The following DGCR2 variants were observed in gnomAD, a reference collection of about 807,000 sequenced individuals.
DGCR2 encodes DiGeorge syndrome critical region gene 2, also known as integral membrane protein DGCR2/IDD.
Under a neutral mutation model 51.6 loss-of-function variants are expected in DGCR2, and 24 were observed. That is an observed-to-expected ratio of 0.47 (90% CI 0.34 to 0.65). DGCR2 has a LOEUF of 0.65. DGCR2 is among the 30% of genes least tolerant of loss of function. The pLI is 0.01. For missense variants in DGCR2, 765 were observed against 772.1 expected, an observed-to-expected ratio of 0.99 and a Z score of 0.11; for synonymous variants, 340 against 315.4, an observed-to-expected ratio of 1.08 and a Z score of -0.82.
intron 1 of DGCR2, among the ~76,000 whole-genome samples, chr22:19,115,270 C>T (rs1356228291): frequency 1.3e-5 from 2 of 152,240 alleles, no homozygotes; most frequent in East Asian, 1.9e-4. Flanking sequence ...CCCTCAGCAC[C>T]GGCTTGCTGG....
chr22:19,062,881 AGCCT>A (rs2082697137), intron 5 of DGCR2, among the ~76,000 whole-genome samples: 2 of 150,792 alleles, frequency 1.3e-5, no homozygotes, highest in Admixed American at 6.6e-5. Context: ...CCTCCCCTCC[AGCCT>A]GCCAGGGGCA....
intron 2 of DGCR2, among the ~76,000 whole-genome samples, chr22:19,076,183 A>G (rs968962052): frequency 8.6e-5 from 13 of 150,908 alleles, no homozygotes; most frequent in African/African-American, 3.2e-4. Flanking sequence ...TTGGGGGGGA[A>G]GGAGTCTTGT....
intron 1 of DGCR2, among the ~76,000 whole-genome samples, chr22:19,092,958 T>G (rs2083095385): frequency 6.9e-6 from 1 of 144,004 alleles, no homozygotes. Flanking sequence ...CAAAATGAAG[T>G]TAAAAAAAGG....
rs150185675 is a variant in DGCR2 at position 19,067,400 on chromosome 22, T to C, written c.328+700A>G. On this transcript the variant is annotated intron_variant, in intron 3 of 9. Coordinates refer to ENST00000263196, the MANE Select transcript of DGCR2 (RefSeq NM_005137.3). ...TAAATAACTAATCACCTTAAAAATT[T>C]TTCTTAAAATGGCTGGACACAGTGG... is the stretch of plus-strand genomic sequence containing the variant. Among the ~76,000 whole-genome samples, 4 of 152,196 alleles carry C rather than the reference T, an allele frequency of 2.6e-5. No individual in the cohort carries two copies. In the East Asian group the frequency reaches 7.7e-4, roughly 29 times the overall value.
At chr22:19,113,391 A>T (rs1167895389) in intron 1 of DGCR2, among the ~76,000 whole-genome samples, 1 of 152,162 alleles carries the variant, frequency 6.6e-6, no homozygotes. Context: ...ATAAAAAAAA[A>T]AAAATAACAG....
chr22:19,103,739 TAAAAAAAAAA>T (rs34046451), intron 1 of DGCR2, among the ~76,000 whole-genome samples: 2 of 78,724 alleles, frequency 2.5e-5, no homozygotes, highest in Admixed American at 1.6e-4. Context: ...AAAAAATTCT[TAAAAAAAAAA>T]AAAAAAAAAA....
At chr22:19,103,566 G>A (rs2083229231) in intron 1 of DGCR2, among the ~76,000 whole-genome samples, 1 of 149,868 alleles carries the variant, frequency 6.7e-6, no homozygotes, top group African/African-American at 2.4e-5. Flanking sequence ...GAGTAGCTGA[G>A]ATTAGGCGCG....
At chr22:19,041,576 G>A (rs2082432359) in intron 8 of DGCR2, 1 of 602,212 alleles carries the variant, frequency 1.7e-6, no homozygotes, top group Non-Finnish European at 2.9e-6. Flanking sequence ...GGTGATCCGG[G>A]CCTCTGACCC....
At chr22:19,119,034 G>C (rs1302160879) in intron 1 of DGCR2, among the ~76,000 whole-genome samples, 1 of 152,176 alleles carries the variant, frequency 6.6e-6, no homozygotes, top group African/African-American at 2.4e-5. Flanking sequence ...ATTTGGCAGA[G>C]GGTGAGTGGT....
chr22:19,117,314 A>G (rs1440042571), intron 1 of DGCR2, among the ~76,000 whole-genome samples: 1 of 152,272 alleles, frequency 6.6e-6, no homozygotes, highest in East Asian at 1.9e-4. Flanking sequence ...CCACAACAGC[A>G]GTCTTCATTC....
chr22:19,067,887 G>C (rs1206511159), intron 3 of DGCR2, among the ~76,000 whole-genome samples: 1 of 152,192 alleles, frequency 6.6e-6, no homozygotes, highest in Non-Finnish European at 1.5e-5. Flanking sequence ...TGGCCTCAGA[G>C]CCGGTTGACT....
At chr22:19,095,836 T>TG (rs111378862) in intron 1 of DGCR2, among the ~76,000 whole-genome samples, 2,255 of 152,272 alleles carry the variant, frequency 0.015, 27 homozygotes, top group African/African-American at 0.017. Context: ...CCAGGCACCC[T>TG]GTGTTCTAGG....
chr22:19,055,310 T>C (rs898331437), intron 6 of DGCR2, among the ~76,000 whole-genome samples: 2 of 152,150 alleles, frequency 1.3e-5, no homozygotes, highest in Non-Finnish European at 2.9e-5. Context: ...TAAAAATCAG[T>C]ACACTTTTGT....
intron 6 of DGCR2, among the ~76,000 whole-genome samples, chr22:19,051,119 G>A (rs1228279144): frequency 9.3e-5 from 14 of 149,810 alleles, no homozygotes; most frequent in Admixed American, 8.7e-4. Context: ...AACCCAGGAG[G>A]TGGAGGTTGC....
At chr22:19,066,674 G>A (rs559083802) in intron 3 of DGCR2, among the ~76,000 whole-genome samples, 1 of 152,338 alleles carries the variant, frequency 6.6e-6, no homozygotes, top group African/African-American at 2.4e-5. Context: ...CTGAGGCATG[G>A]AGGGAAGGAG....
At chr22:19,104,034 A>G (rs1251394003) in intron 1 of DGCR2, among the ~76,000 whole-genome samples, 1 of 152,100 alleles carries the variant, frequency 6.6e-6, no homozygotes, top group Non-Finnish European at 1.5e-5. Context: ...CAAAAGAGAG[A>G]GAGAAAAAAA....
intron 2 of DGCR2, among the ~76,000 whole-genome samples, chr22:19,075,446 C>CAAA (rs35578082): frequency 7.3e-6 from 1 of 136,194 alleles, no homozygotes; most frequent in African/African-American, 2.7e-5. Context: ...GACTCTGTCT[C>CAAA]AAAAAAAAAA....
At chr22:19,047,630 G>C (rs1216502467) in intron 7 of DGCR2, 1 of 152,220 alleles carries the variant, frequency 6.6e-6, no homozygotes. Flanking sequence ...AGTGTGAGGG[G>C]TGTTAACATC....
intron 2 of DGCR2, among the ~76,000 whole-genome samples, chr22:19,069,649 T>C (rs925291939): frequency 6.6e-6 from 1 of 152,250 alleles, no homozygotes; most frequent in Non-Finnish European, 1.5e-5. Flanking sequence ...GATGGCTGCA[T>C]AGTATTCCAC....
Sources: allele counts gnomAD v4.1 joint callset (sites outside exome capture counted in the v4.1 genomes callset), GRCh38; gene constraint gnomAD v4.1.1; transcripts MANE v1.5; gene names NCBI Gene and HGNC (gene_info 2026-07-23, HGNC 2026-07-21).